The following CFAP221 variants were observed in gnomAD, a reference collection of about 807,000 sequenced individuals.
The protein encoded by CFAP221 is cilia- and flagella-associated protein 221.
Under a neutral mutation model 113.1 loss-of-function variants are expected in CFAP221, and 97 were observed. The ratio of observed to expected loss-of-function variants is 0.86; its 90% CI spans 0.73 to 1.02. CFAP221 has a LOEUF of 1.02. Among genes scored for constraint, CFAP221 ranks in the 50% least tolerant of loss-of-function variants. The pLI is 0.00. For missense variants in CFAP221, 1,025 were observed against 1,013.4 expected, an observed-to-expected ratio of 1.01 and a Z score of -0.16; for synonymous variants, 331 against 354.4, an observed-to-expected ratio of 0.93 and a Z score of 0.74.
chr2:119,628,268 A>AC (rs1686486775), intron 16 of CFAP221, among the ~76,000 whole-genome samples: 2 of 91,306 alleles, frequency 2.2e-5, no homozygotes, highest in Middle Eastern at 8.2e-3. Flanking sequence ...CTCACAACCC[A>AC]CTTCTCTCTC....
chr2:119,586,836 T>C (rs1456017812), intron 6 of CFAP221: 1 of 279,272 alleles, frequency 3.6e-6, no homozygotes, highest in Non-Finnish European at 6.6e-6. Flanking sequence ...CATTAAATCA[T>C]GGTTCTGCCA....
intron 12 of CFAP221, among the ~76,000 whole-genome samples, chr2:119,609,569 G>T (rs1480923542): frequency 6.6e-6 from 1 of 151,950 alleles, no homozygotes; most frequent in Non-Finnish European, 1.5e-5. Context: ...AATCTCCTCT[G>T]ATATAAGGGC....
At chr2:119,608,108 C>T (rs1684896334) in intron 11 of CFAP221, among the ~76,000 whole-genome samples, 1 of 152,122 alleles carries the variant, frequency 6.6e-6, no homozygotes, top group Admixed American at 6.6e-5. Flanking sequence ...GTGGCCAAAC[C>T]ATTTTACATT....
chr2:119,548,949 C>T (rs1680235070), intron 2 of CFAP221, 136 bp from the exon 3 acceptor site: 1 of 541,124 alleles, frequency 1.8e-6, no homozygotes, highest in South Asian at 3.0e-5. Flanking sequence ...ATCTTGTTGA[C>T]AGCTGGATCC....
chr2:119,582,270 A>G (rs1682897594), intron 6 of CFAP221, among the ~76,000 whole-genome samples: 1 of 152,172 alleles, frequency 6.6e-6, no homozygotes, highest in African/African-American at 2.4e-5. Flanking sequence ...TAACTAATTA[A>G]CCATTTTTAA....
chr2:119,606,117 C>T (rs1684741568), intron 11 of CFAP221, among the ~76,000 whole-genome samples: 1 of 152,046 alleles, frequency 6.6e-6, no homozygotes, highest in African/African-American at 2.4e-5. Context: ...GATCCTCCCT[C>T]TTCAGCCTCC....
chr2:119,656,685 G>A (rs142619179), downstream of CFAP221: 2,058 of 370,140 alleles, frequency 5.6e-3, 39 homozygotes, highest in African/African-American at 0.04. Flanking sequence ...TTCTTGGTGC[G>A]GTGTTTAGTG....
At chr2:119,556,575 CAG>C (rs1271717701) in intron 3 of CFAP221, among the ~76,000 whole-genome samples, 1 of 144,398 alleles carries the variant, frequency 6.9e-6, no homozygotes, top group African/African-American at 2.6e-5. Context: ...TTTTTTGAGA[CAG>C]AGTTTCACTC....
intron 7 of CFAP221, among the ~76,000 whole-genome samples, chr2:119,593,497 G>A (rs2104636503): frequency 6.6e-6 from 1 of 152,234 alleles, no homozygotes; most frequent in Admixed American, 6.5e-5. Context: ...GTATCAGATG[G>A]TGAGAGAGGG....
At chr2:119,628,292 GGGGTGT>G (rs1409643847) in intron 16 of CFAP221, among the ~76,000 whole-genome samples, 1,129 of 12,056 alleles carry the variant, frequency 0.094, 12 homozygotes, top group African/African-American at 0.13. Flanking sequence ...CTCTCTCTGG[GGGGTGT>G]GTGTGTGTGT....
At chr2:119,593,357 G>A (rs1683726792) in intron 7 of CFAP221, among the ~76,000 whole-genome samples, 1 of 152,152 alleles carries the variant, frequency 6.6e-6, no homozygotes, top group Non-Finnish European at 1.5e-5. Flanking sequence ...CTGAAGCTTG[G>A]TAATTTATTT....
At chr2:119,620,540 C>A (rs189430632) in intron 14 of CFAP221, among the ~76,000 whole-genome samples, 2 of 152,262 alleles carry the variant, frequency 1.3e-5, no homozygotes, top group Admixed American at 1.3e-4. Context: ...CAAGCAAATG[C>A]TGAGAGATTT....
intron 3 of CFAP221, among the ~76,000 whole-genome samples, chr2:119,558,744 C>T (rs749171366): frequency 2.2e-4 from 33 of 152,088 alleles, no homozygotes; most frequent in African/African-American, 7.2e-4. Flanking sequence ...TTTGCTTGAA[C>T]GCAGGAGTTC....
chr2:119,597,148 A>C (rs1684039677), intron 7 of CFAP221, among the ~76,000 whole-genome samples: 1 of 152,220 alleles, frequency 6.6e-6, no homozygotes, highest in Non-Finnish European at 1.5e-5. Context: ...TAGGACACAC[A>C]CTATGTACCA....
chr2:119,601,274 T>C lies in CFAP221; in HGVS notation c.688T>C (p.Tyr230His), dbSNP rs1684346686. 6.5e-7 allele frequency: 1 copy of C among 1,535,712 alleles called. No individual in the cohort carries two copies. Among genetic ancestry groups the C allele is most frequent in the African/African-American group, 1.4e-5 (1 of 73,164 alleles). ...GACTATTAAGTTTACACCCTTTCAG[T>C]ATGGGACTGCACAAATAAAAATGCA... ...TVTIKFTPFQ[Y>H]GTAQIKMQLW... The change falls in exon 8 of 24, where the codon TAT (tyrosine) becomes CAT (histidine). Residue 230 changes from tyrosine to histidine, a missense_variant. Tyr to His is a moderately conservative substitution (Grantham distance 83, BLOSUM62 2). Transcript: ENST00000413369.
At chr2:119,568,681 T>G (rs1574021536) in intron 6 of CFAP221, among the ~76,000 whole-genome samples, 1 of 152,250 alleles carries the variant, frequency 6.6e-6, no homozygotes, top group Admixed American at 6.5e-5. Context: ...CATTCCTTTT[T>G]ATGGCTGGAT....
intron 3 of CFAP221, among the ~76,000 whole-genome samples, chr2:119,550,895 C>T (rs1218021187): frequency 1.3e-5 from 2 of 152,206 alleles, no homozygotes; most frequent in Admixed American, 1.3e-4. Flanking sequence ...CTTTCAGTCA[C>T]TCCTTATCCC....
chr2:119,647,014 C>A lies in CFAP221; in HGVS notation c.2282C>A (p.Ala761Asp), dbSNP rs746426080. Residue 761 changes from alanine (A) to aspartate (D), a missense_variant, in exon 22 of 24, where the codon GCC becomes GAC. Ala to Asp is a moderately radical substitution (Grantham distance 126, BLOSUM62 -2). Transcript: ENST00000413369. ...LPIDVPAILDALPEEDRLETV... is the reference protein window; with the variant it reads ...LPIDVPAILDDLPEEDRLETV... ...ATAGACGTCCCTGCCATCCTTGATGCCTTACCAGAAGAGGACAGACTAGAA... is the reference window on the plus strand; with the variant it reads ...ATAGACGTCCCTGCCATCCTTGATGACTTACCAGAAGAGGACAGACTAGAA... The A allele has an allele frequency of 1.2e-6, 2 of 1,613,242 alleles. No individual in the cohort carries two copies. Among genetic ancestry groups the A allele is most frequent in the Non-Finnish European group, 1.7e-6 (2 of 1,179,612 alleles).
At chr2:119,657,257 G>A (rs73948921), downstream of CFAP221, among the ~76,000 whole-genome samples, 22,427 of 152,164 alleles carry the variant, frequency 0.15, 1,698 homozygotes, top group Middle Eastern at 0.19. Flanking sequence ...GTATCAGACT[G>A]TATGTTTGTA....
Sources: allele counts gnomAD v4.1 joint callset (sites outside exome capture counted in the v4.1 genomes callset), GRCh38; gene constraint gnomAD v4.1.1; transcripts MANE v1.5; gene names NCBI Gene and HGNC (gene_info 2026-07-23, HGNC 2026-07-21).